The following CPNE8 variants were observed in gnomAD, a reference collection of about 807,000 sequenced individuals.
CPNE8 encodes the protein copine-8.
In CPNE8, 45 loss-of-function variants were observed where a neutral mutation model predicts 81.5. The observed-to-expected ratio is 0.55, with a 90% confidence interval of 0.44 to 0.71. CPNE8 has a LOEUF of 0.71. CPNE8 is among the 30% of genes least tolerant of loss of function. The probability of loss-of-function intolerance (pLI) is 0.00; values close to 1 mark genes in which losing one functional copy is unlikely to be tolerated. For synonymous variants in CPNE8, 252 were observed against 226.3 expected (o/e 1.11, Z -1.02); for missense variants, 594 against 672.1 (o/e 0.88, Z 1.28).
chr12:38,817,884 A>G (rs564298954), intron 6 of CPNE8, among the ~76,000 whole-genome samples: 2 of 152,098 alleles, frequency 1.3e-5, no homozygotes, highest in South Asian at 4.1e-4. Context: ...TGGCCTCCCA[A>G]AGTGCTGGGA....
At chr12:38,787,815 C>G in intron 6 of CPNE8, among the ~76,000 whole-genome samples, 1 of 151,418 alleles carries the variant, frequency 6.6e-6, no homozygotes, top group African/African-American at 2.4e-5. Flanking sequence ...AACATAAGCA[C>G]CTATATGCCA....
intron 16 of CPNE8, among the ~76,000 whole-genome samples, chr12:38,685,008 G>T (rs1191101214): frequency 2.6e-5 from 4 of 151,956 alleles, no homozygotes; most frequent in African/African-American, 9.7e-5. Context: ...TAGAGCTCTG[G>T]GAATTTATAA....
chr12:38,886,308 C>A (rs2137132101), intron 1 of CPNE8, among the ~76,000 whole-genome samples: 1 of 152,196 alleles, frequency 6.6e-6, no homozygotes, highest in Admixed American at 6.5e-5. Flanking sequence ...AGGAGATGAT[C>A]ATAGTATCCT....
chr12:38,819,818 C>G (rs958158457), intron 6 of CPNE8, among the ~76,000 whole-genome samples: 1 of 150,088 alleles, frequency 6.7e-6, no homozygotes, highest in South Asian at 2.1e-4. Context: ...AATGTTCCTT[C>G]CAAACACTCA....
chr12:38,794,363 A>G (rs1942402621), intron 6 of CPNE8, among the ~76,000 whole-genome samples: 1 of 152,148 alleles, frequency 6.6e-6, no homozygotes, highest in African/African-American at 2.4e-5. Flanking sequence ...AAAAGTGAAC[A>G]TAGGGCTGGA....
chr12:38,826,824 A>G (rs560517608), intron 6 of CPNE8, among the ~76,000 whole-genome samples: 2 of 151,992 alleles, frequency 1.3e-5, no homozygotes, highest in Non-Finnish European at 2.9e-5. Flanking sequence ...TGATTTCCTT[A>G]TGTTAAAAAA....
At chr12:38,761,087 T>C (rs923405800) in intron 9 of CPNE8, among the ~76,000 whole-genome samples, 199 bp from the exon 10 acceptor site, 14 of 152,234 alleles carry the variant, frequency 9.2e-5, no homozygotes, top group Non-Finnish European at 1.6e-4. Context: ...AAAATCTTCA[T>C]TGATTCCTTA....
intron 10 of CPNE8, among the ~76,000 whole-genome samples, chr12:38,747,420 A>G (rs2136813559): frequency 6.6e-6 from 1 of 152,322 alleles, no homozygotes; most frequent in African/African-American, 2.4e-5. Flanking sequence ...TATAATGTGG[A>G]CATTTCTAGA....
At chr12:38,870,508 T>TGGAAACCA (rs1307994049) in intron 3 of CPNE8, among the ~76,000 whole-genome samples, 1 of 152,170 alleles carries the variant, frequency 6.6e-6, no homozygotes, top group Non-Finnish European at 1.5e-5. Flanking sequence ...TGGATGAAGT[T>TGGAAACCA]GGAAACCATC....
intron 3 of CPNE8, among the ~76,000 whole-genome samples, chr12:38,865,447 C>T (rs1943900423): frequency 6.6e-6 from 1 of 152,194 alleles, no homozygotes; most frequent in South Asian, 2.1e-4. Flanking sequence ...AACCATGCAG[C>T]AACAGGCATG....
intron 10 of CPNE8, among the ~76,000 whole-genome samples, chr12:38,751,833 A>G (rs1030223247): frequency 6.6e-6 from 1 of 152,156 alleles, no homozygotes; most frequent in African/African-American, 2.4e-5. Flanking sequence ...ATAGTCCCTT[A>G]TAACATCACT....
chr12:38,771,866 G>A (rs1941812061), intron 7 of CPNE8, among the ~76,000 whole-genome samples: 1 of 152,164 alleles, frequency 6.6e-6, no homozygotes, highest in African/African-American at 2.4e-5. Flanking sequence ...TCAACAGAAT[G>A]AAAAGGCAAC....
intron 14 of CPNE8, among the ~76,000 whole-genome samples, chr12:38,700,594 GC>G (rs200447520): frequency 0.011 from 1,616 of 152,160 alleles, 31 homozygotes; most frequent in African/African-American, 0.036. Flanking sequence ...TTTGTAAAAT[GC>G]TTTTCCTGCA....
At chr12:38,721,381 T>C (rs146121450) in intron 13 of CPNE8, among the ~76,000 whole-genome samples, 18 of 152,108 alleles carry the variant, frequency 1.2e-4, no homozygotes, top group Non-Finnish European at 2.5e-4. Context: ...GGGAAGATGA[T>C]AGGACAACCT....
At chr12:38,684,020 T>C (rs1939472541) in intron 16 of CPNE8, among the ~76,000 whole-genome samples, 1 of 152,172 alleles carries the variant, frequency 6.6e-6, no homozygotes, top group Admixed American at 6.5e-5. Context: ...TAAGCATTGA[T>C]GAACACATTT....
chr12:38,751,921 T>C (rs1223102732), intron 10 of CPNE8, among the ~76,000 whole-genome samples: 1 of 152,306 alleles, frequency 6.6e-6, no homozygotes, highest in East Asian at 1.9e-4. Flanking sequence ...GTAAAAACTT[T>C]TTCTACTGCT....
chr12:38,799,664 C>T (rs1394467354), intron 6 of CPNE8, among the ~76,000 whole-genome samples: 2 of 151,872 alleles, frequency 1.3e-5, no homozygotes, highest in African/African-American at 2.4e-5. Context: ...TCAAGATGGC[C>T]GAATAGGAAC....
chr12:38,802,868 A>G (rs566647679), intron 6 of CPNE8, among the ~76,000 whole-genome samples: 77 of 147,798 alleles, frequency 5.2e-4, no homozygotes, highest in Middle Eastern at 3.5e-3. Flanking sequence ...ATCAGAGAAT[A>G]CTACAAACAC....
At chr12:38,900,894 C>T (rs1193220014) in intron 1 of CPNE8, among the ~76,000 whole-genome samples, 1 of 152,122 alleles carries the variant, frequency 6.6e-6, no homozygotes, top group African/African-American at 2.4e-5. Flanking sequence ...AACCCTTTTC[C>T]ACTTCATAGT....
Sources: gnomAD v4.1 joint callset for allele counts (sites outside exome capture counted in the v4.1 genomes callset) on GRCh38, gnomAD v4.1.1 for gene constraint, MANE v1.5 for transcripts, NCBI Gene and HGNC (gene_info 2026-07-23, HGNC 2026-07-21) for gene names.